Variants in ZNF469 observed in about 807,000 individuals in gnomAD.
ZNF469 encodes the protein zinc finger protein 469.
A neutral mutation model predicts 1.0 loss-of-function variants in ZNF469; 1 was observed. That is an observed-to-expected ratio of 1.00 (90% CI 0.35 to 4.73). The LOEUF (loss-of-function observed/expected upper bound fraction) is 4.73, where lower values mean the gene tolerates loss of function less well. Ranked by LOEUF, ZNF469 falls within the 30% of genes most tolerant of loss-of-function variation. ZNF469 has a pLI of 0.16. For synonymous variants in ZNF469, 2,703 were observed against 2,363.4 expected (o/e 1.14, Z -4.17); for missense variants, 6,100 against 5,356.3 (o/e 1.14, Z -4.33).
At chr16:88,288,677 A>C in the ZNF469 span, among the ~76,000 whole-genome samples, 6 of 152,242 alleles carry the variant, frequency 3.9e-5, no homozygotes, top group Admixed American at 6.5e-5. Context: ...TGTCTCATGT[A>C]ACCCCTGTTG....
chr16:88,413,177 C>A (rs1315355690), intron 1 of ZNF469, among the ~76,000 whole-genome samples: 1 of 152,240 alleles, frequency 6.6e-6, no homozygotes, highest in Admixed American at 6.5e-5. Flanking sequence ...CCCGCACGCA[C>A]GTGATAAATG....
the ZNF469 span, among the ~76,000 whole-genome samples, chr16:88,247,161 CGTGAATGACTGA>C: frequency 3.6e-5 from 5 of 140,830 alleles, no homozygotes; most frequent in South Asian, 4.6e-4. Context: ...ATGAGTGAAT[CGTGAATGACTGA>C]GTGAATGAGT....
At chr16:88,379,785 T>G (rs1419482235), upstream of ZNF469, among the ~76,000 whole-genome samples, 1 of 152,030 alleles carries the variant, frequency 6.6e-6, no homozygotes, top group Non-Finnish European at 1.5e-5. Flanking sequence ...GGACGGTGGC[T>G]CTGGGACAGG....
intron 1 of ZNF469, among the ~76,000 whole-genome samples, chr16:88,413,409 AGAGGCCCAGCAGGCC>A (rs1048643254): frequency 4.6e-5 from 7 of 152,232 alleles, no homozygotes; most frequent in African/African-American, 1.7e-4. Flanking sequence ...ACAGCAAAGG[AGAGGCCCAGCAGGCC>A]GAGGCCCGGC....
intron 1 of ZNF469, among the ~76,000 whole-genome samples, chr16:88,397,972 C>T (rs1904739027): frequency 6.6e-6 from 1 of 152,342 alleles, no homozygotes; most frequent in Middle Eastern, 3.4e-3. Flanking sequence ...CTGCCCTGCC[C>T]AGAGCCGGGC....
chr16:88,291,492 G>A, the ZNF469 span, among the ~76,000 whole-genome samples: 116 of 152,280 alleles, frequency 7.6e-4, no homozygotes, highest in African/African-American at 1.7e-3. Context: ...TCGTCTCTTC[G>A]CATCGGGCAG....
At chr16:88,374,715 A>ACTATGTGCGGTGGGCTGAGCTCGGCG in the ZNF469 span, among the ~76,000 whole-genome samples, 1 of 110,802 alleles carries the variant, frequency 9.0e-6, no homozygotes, top group Non-Finnish European at 1.9e-5. Flanking sequence ...TGAGCTCAGC[A>ACTATGTGCGGTGGGCTGAGCTCGGCG]CCATGTGCGG....
the ZNF469 span, among the ~76,000 whole-genome samples, chr16:88,243,011 T>G: frequency 6.6e-6 from 1 of 152,198 alleles, no homozygotes; most frequent in Non-Finnish European, 1.5e-5. Flanking sequence ...CGGTGGGGGA[T>G]GTCTACCCGC....
the ZNF469 span, among the ~76,000 whole-genome samples, chr16:88,376,269 C>T: frequency 3.9e-5 from 6 of 152,338 alleles, no homozygotes; most frequent in East Asian, 7.7e-4. Flanking sequence ...AATGTAAATG[C>T]GTAGTTGTCC....
intron 1 of ZNF469, among the ~76,000 whole-genome samples, chr16:88,408,016 T>G (rs984024927): frequency 6.6e-6 from 1 of 152,238 alleles, no homozygotes; most frequent in African/African-American, 2.4e-5. Context: ...TTACTGTGTG[T>G]TGTTCCCTTT....
rs1252155133 is a variant in ZNF469 at position 88,438,506 on chromosome 16, C to T, written c.11036C>T (p.Ser3679Leu). The change falls in exon 3 of 3, where the codon TCA becomes TTA. Residue 3679 changes from serine to leucine, a missense_variant. Physicochemically the swap from Ser to Leu is moderately radical, Grantham distance 145. Transcript: ENST00000565624. ...SATKPAGCQS[S>L]SKDRSAASTP... ...ACCAAGCCTGCGGGCTGCCAGAGCT[C>T]ATCAAAGGACAGGTCGGCAGCATCC... is the stretch of plus-strand genomic sequence containing the variant. The T allele has an allele frequency of 2.6e-6, 4 of 1,550,128 alleles. No homozygotes were observed. The Admixed American group carries it at 5.9e-5, about 23-fold the overall frequency.
the ZNF469 span, among the ~76,000 whole-genome samples, chr16:88,173,221 A>G: frequency 6.6e-6 from 1 of 152,174 alleles, no homozygotes; most frequent in East Asian, 1.9e-4. Flanking sequence ...AAGCAGCCAG[A>G]TAAGAAAAAA....
chr16:88,412,872 A>G (rs1196961459), intron 1 of ZNF469, among the ~76,000 whole-genome samples: 1 of 152,094 alleles, frequency 6.6e-6, no homozygotes, highest in African/African-American at 2.4e-5. Flanking sequence ...TAAAACCTGG[A>G]TTTCTCAAAA....
the ZNF469 span, among the ~76,000 whole-genome samples, chr16:88,365,717 C>T: frequency 6.6e-6 from 1 of 152,194 alleles, no homozygotes; most frequent in Non-Finnish European, 1.5e-5. Flanking sequence ...GGTATGGCTT[C>T]AGGGCTGAGT....
chr16:88,143,386 G>A, the ZNF469 span, among the ~76,000 whole-genome samples: 6 of 152,158 alleles, frequency 3.9e-5, no homozygotes, highest in African/African-American at 1.4e-4. Context: ...GTGGGGTGCA[G>A]AGCGGGCTGG....
chr16:88,131,461 C>T, the ZNF469 span, among the ~76,000 whole-genome samples: 6 of 114,186 alleles, frequency 5.3e-5, no homozygotes, highest in African/African-American at 1.8e-4. Context: ...TAGAACCTCT[C>T]GGCTTTCCCT....
At chr16:88,412,897 C>T (rs937947396) in intron 1 of ZNF469, among the ~76,000 whole-genome samples, 1 of 152,204 alleles carries the variant, frequency 6.6e-6, no homozygotes, top group Non-Finnish European at 1.5e-5. Context: ...GAAAGTCTGC[C>T]ACTGTGCTCC....
the ZNF469 span, among the ~76,000 whole-genome samples, chr16:88,106,628 G>C: frequency 7.9e-5 from 12 of 152,218 alleles, no homozygotes; most frequent in African/African-American, 2.9e-4. Context: ...CTGTGGTCTT[G>C]GCAGACACTC....
the ZNF469 span, among the ~76,000 whole-genome samples, chr16:88,372,702 A>G: frequency 1.3e-5 from 2 of 148,156 alleles, no homozygotes; most frequent in African/African-American, 2.5e-5. Flanking sequence ...CACCATTATC[A>G]TTACCACCGT....
Sources: gnomAD v4.1 joint callset for allele counts (sites outside exome capture counted in the v4.1 genomes callset) on GRCh38, gnomAD v4.1.1 for gene constraint, MANE v1.5 for transcripts, NCBI Gene and HGNC (gene_info 2026-07-23, HGNC 2026-07-21) for gene names.